The following NBAS variants were observed in gnomAD, a reference collection of about 807,000 sequenced individuals.
NBAS encodes the protein NBAS subunit of NRZ tethering complex, also known as NAG/BC035112 fusion.
In NBAS, 219 loss-of-function variants were observed where a neutral mutation model predicts 302.5. That is an observed-to-expected ratio of 0.72 (90% CI 0.65 to 0.81). The LOEUF (loss-of-function observed/expected upper bound fraction) is 0.81. NBAS is among the 30% of genes least tolerant of loss of function. The pLI, the probability that NBAS is intolerant of heterozygous loss-of-function variation, is 0.00. For missense variants in NBAS, 2,932 were observed against 2,841.6 expected (o/e 1.03, Z -0.72); for synonymous variants, 1,118 against 1,021.6 (o/e 1.09, Z -1.80).
At chr2:15,537,161 G>A (rs113831705) in intron 7 of NBAS, among the ~76,000 whole-genome samples, 4 of 152,310 alleles carry the variant, frequency 2.6e-5, no homozygotes, top group African/African-American at 9.6e-5. Context: ...TTTGGCATAA[G>A]GATTATTTTG....
intron 50 of NBAS, chr2:15,180,317 CTG>C (rs1664760700): frequency 6.6e-6 from 1 of 152,238 alleles, no homozygotes; most frequent in South Asian, 2.1e-4. Context: ...CTACACAAAC[CTG>C]TGTGACAATG....
the NBAS span, among the ~76,000 whole-genome samples, chr2:14,854,487 A>T: frequency 6.6e-6 from 1 of 152,038 alleles, no homozygotes; most frequent in Non-Finnish European, 1.5e-5. Flanking sequence ...GTGAGCACTC[A>T]TAGCACCTGC....
intron 6 of NBAS, among the ~76,000 whole-genome samples, chr2:15,544,856 C>T (rs1195427011): frequency 2.0e-5 from 3 of 152,028 alleles, no homozygotes; most frequent in Non-Finnish European, 4.4e-5. Flanking sequence ...CTAAAAAATA[C>T]AAAACTTAGC....
At chr2:14,964,157 A>G in the NBAS span, among the ~76,000 whole-genome samples, 17 of 152,362 alleles carry the variant, frequency 1.1e-4, no homozygotes, top group South Asian at 1.2e-3. Context: ...GCTACCAGGC[A>G]TGCAAAGCAG....
At chr2:14,847,189 C>G in the NBAS span, among the ~76,000 whole-genome samples, 1 of 151,882 alleles carries the variant, frequency 6.6e-6, no homozygotes, top group Non-Finnish European at 1.5e-5. Flanking sequence ...TGAGACCATC[C>G]TGGCTAACAC....
chr2:15,110,086 A>C, the NBAS span, among the ~76,000 whole-genome samples: 4 of 152,080 alleles, frequency 2.6e-5, no homozygotes, highest in Non-Finnish European at 5.9e-5. Flanking sequence ...AAAATAATAG[A>C]GGTCAATTAA....
At chr2:14,996,585 G>T in the NBAS span, among the ~76,000 whole-genome samples, 1 of 152,200 alleles carries the variant, frequency 6.6e-6, no homozygotes, top group East Asian at 1.9e-4. Flanking sequence ...GCTGTCGGAA[G>T]ATATTGTTGT....
the NBAS span, among the ~76,000 whole-genome samples, chr2:15,149,109 T>G: frequency 6.6e-6 from 1 of 152,240 alleles, no homozygotes; most frequent in African/African-American, 2.4e-5. Flanking sequence ...ATCCTCAATG[T>G]AACGGTGTTG....
rs1271540296 is a variant in NBAS at position 15,170,001 on chromosome 2, G to A, written c.6841-2678C>T. ...GATGCTACAGGCACATGTTTGATAAGATGCACAGATAAAAGGCTCAGAATC... is the reference window on the plus strand; with the variant it reads ...GATGCTACAGGCACATGTTTGATAAAATGCACAGATAAAAGGCTCAGAATC... On this transcript the variant is annotated intron_variant, in intron 51 of 51. Coordinates refer to ENST00000281513, the MANE Select transcript of NBAS (RefSeq NM_015909.4). Among the ~76,000 whole-genome samples, 16 of 152,350 alleles carry A rather than the reference G, an allele frequency of 1.1e-4. No individual in the cohort carries two copies. In the Middle Eastern group the frequency reaches 0.01, roughly 97 times the overall value.
chr2:15,416,259 T>A (rs2148460828), intron 24 of NBAS, among the ~76,000 whole-genome samples: 1 of 152,256 alleles, frequency 6.6e-6, no homozygotes, highest in Admixed American at 6.5e-5. Context: ...AAGTCAGGAA[T>A]CTCTCCCTTC....
chr2:14,784,389 G>A, the NBAS span, among the ~76,000 whole-genome samples: 1 of 152,270 alleles, frequency 6.6e-6, no homozygotes, highest in East Asian at 1.9e-4. Context: ...TGAAGTCCTT[G>A]CCCATGCCTA....
intron 15 of NBAS, 74 bp from the exon 16 acceptor site, chr2:15,473,421 A>G (rs1286677791): frequency 6.4e-7 from 1 of 1,560,864 alleles, no homozygotes. Context: ...TGATACAATG[A>G]ATGATGATAA....
chr2:14,979,767 G>C, the NBAS span, among the ~76,000 whole-genome samples: 98 of 152,192 alleles, frequency 6.4e-4, no homozygotes, highest in South Asian at 1.5e-3. Flanking sequence ...AATAAATACA[G>C]ATAGGGAAGG....
chr2:15,112,415 C>T, the NBAS span, among the ~76,000 whole-genome samples: 33 of 152,004 alleles, frequency 2.2e-4, no homozygotes, highest in African/African-American at 7.7e-4. Flanking sequence ...ACTTAGAAAA[C>T]AGCCAGTGAA....
At chr2:15,348,366 G>T (rs1434879917) in intron 35 of NBAS, among the ~76,000 whole-genome samples, 1 of 152,064 alleles carries the variant, frequency 6.6e-6, no homozygotes, top group Non-Finnish European at 1.5e-5. Context: ...ACTACCAGTG[G>T]TCTCCTTCAT....
At chr2:15,090,513 C>T in the NBAS span, among the ~76,000 whole-genome samples, 1 of 152,198 alleles carries the variant, frequency 6.6e-6, no homozygotes, top group Non-Finnish European at 1.5e-5. Context: ...GAGGACATCC[C>T]TTTACATTTA....
chr2:15,140,799 G>C, the NBAS span, among the ~76,000 whole-genome samples: 1 of 152,164 alleles, frequency 6.6e-6, no homozygotes, highest in Non-Finnish European at 1.5e-5. Context: ...GAAAAAGTAT[G>C]TGAAATACAT....
rs115306439 is a variant in NBAS at position 15,193,989 on chromosome 2, G to A, written c.6433-3586C>T. Among the ~76,000 whole-genome samples the A allele has an allele frequency of 3.5e-3, 538 of 151,798 alleles. 4 individuals carry two copies. The highest frequency in any genetic ancestry group is 0.012 in the African/African-American group (494 of 41,396). On this transcript the variant is annotated intron_variant, in intron 48 of 51. Coordinates refer to ENST00000281513, the MANE Select transcript of NBAS (RefSeq NM_015909.4). ...AGAACATGGTATTCAGATATCTTCTGTCTCTCCAGCCAAAAAAAAAATCAA... is the reference window on the plus strand; with the variant it reads ...AGAACATGGTATTCAGATATCTTCTATCTCTCCAGCCAAAAAAAAAATCAA...
intron 21 of NBAS, among the ~76,000 whole-genome samples, chr2:15,443,952 T>C (rs2148521192): frequency 6.6e-6 from 1 of 151,990 alleles, no homozygotes; most frequent in East Asian, 1.9e-4. Flanking sequence ...ACAAGGGATG[T>C]GAAGGACCTC....
Sources: allele counts gnomAD v4.1 joint callset (sites outside exome capture counted in the v4.1 genomes callset), GRCh38; gene constraint gnomAD v4.1.1; transcripts MANE v1.5; gene names NCBI Gene and HGNC (gene_info 2026-07-23, HGNC 2026-07-21).